The following SLC9A9 variants were observed in gnomAD, a reference collection of about 807,000 sequenced individuals.
SLC9A9 encodes the protein solute carrier family 9 member A9, also known as sodium/hydrogen exchanger 9.
A neutral mutation model predicts 77.8 loss-of-function variants in SLC9A9; 62 were observed. The ratio of observed to expected loss-of-function variants is 0.80; its 90% CI spans 0.65 to 0.98. SLC9A9 has a LOEUF of 0.98. SLC9A9 is among the 50% of genes least tolerant of loss of function. The pLI, the probability that SLC9A9 is intolerant of heterozygous loss-of-function variation, is 0.00. For synonymous variants in SLC9A9, 320 were observed against 283.5 expected (o/e 1.13, Z -1.29); for missense variants, 775 against 774.9 (o/e 1.00, Z 0.00).
At chr3:143,391,141 C>G (rs2033555867) in intron 12 of SLC9A9, among the ~76,000 whole-genome samples, 2 of 152,242 alleles carry the variant, frequency 1.3e-5, no homozygotes, top group Admixed American at 1.3e-4. Context: ...TGAGAACAGA[C>G]AGATATGCCT....
chr3:143,718,837 A>T (rs190937684), intron 4 of SLC9A9, among the ~76,000 whole-genome samples: 1 of 152,230 alleles, frequency 6.6e-6, no homozygotes, highest in African/African-American at 2.4e-5. Flanking sequence ...GTGACAATTG[A>T]ATATAAGGTA....
At chr3:143,494,575 G>C (rs903739412) in intron 10 of SLC9A9, among the ~76,000 whole-genome samples, 1 of 152,186 alleles carries the variant, frequency 6.6e-6, no homozygotes, top group Non-Finnish European at 1.5e-5. Flanking sequence ...CTGGCTGTTC[G>C]GATTATCTGT....
rs181257169 is a variant in SLC9A9, at chr3:143,789,395, G to A, written c.533+5606C>T. On this transcript the variant is annotated intron_variant, in intron 4 of 15. Coordinates refer to ENST00000316549, the MANE Select transcript of SLC9A9 (RefSeq NM_173653.4). ...TGATGAAATGGGATCAATGCAGACT[G>A]TCTCCCATGAAAAATTCTCTGCTTC... Among the ~76,000 whole-genome samples, 27 of 152,264 alleles carry A rather than the reference G, an allele frequency of 1.8e-4. No homozygotes were observed. The East Asian group carries it at 4.6e-3, about 26-fold the overall frequency.
At chr3:143,620,995 T>C (rs1309703441) in intron 6 of SLC9A9, among the ~76,000 whole-genome samples, 2 of 152,140 alleles carry the variant, frequency 1.3e-5, no homozygotes, top group South Asian at 4.1e-4. Flanking sequence ...GAGGGTCCTA[T>C]GCCCATGGAG....
intron 9 of SLC9A9, among the ~76,000 whole-genome samples, chr3:143,511,326 C>A (rs1286950998): frequency 1.3e-5 from 2 of 152,238 alleles, no homozygotes; most frequent in Admixed American, 6.5e-5. Flanking sequence ...CAACCTTGGC[C>A]TTTCCAGGTG....
intron 9 of SLC9A9, among the ~76,000 whole-genome samples, chr3:143,533,615 TA>T (rs1382846385): frequency 1.3e-5 from 2 of 152,082 alleles, no homozygotes; most frequent in Non-Finnish European, 2.9e-5. Flanking sequence ...TGCATAACCA[TA>T]AAAAAACCCT....
chr3:143,843,970 A>ATTT (rs2009768491), intron 1 of SLC9A9, among the ~76,000 whole-genome samples: 1 of 152,228 alleles, frequency 6.6e-6, no homozygotes, highest in Non-Finnish European at 1.5e-5. Flanking sequence ...ATATCATAAT[A>ATTT]GATTACCCAT....
chr3:143,608,844 T>C (rs2037971339), intron 6 of SLC9A9, among the ~76,000 whole-genome samples: 1 of 152,228 alleles, frequency 6.6e-6, no homozygotes, highest in Admixed American at 6.5e-5. Flanking sequence ...GGACTATGGC[T>C]GTTGCTATAT....
chr3:143,353,719 ATTTC>A (rs1266752554), intron 14 of SLC9A9, among the ~76,000 whole-genome samples: 1 of 152,228 alleles, frequency 6.6e-6, no homozygotes, highest in East Asian at 1.9e-4. Flanking sequence ...GGCAATCACC[ATTTC>A]TTTCTTTATC....
intron 4 of SLC9A9, among the ~76,000 whole-genome samples, chr3:143,768,499 A>G (rs941070487): frequency 6.6e-6 from 1 of 152,212 alleles, no homozygotes; most frequent in African/African-American, 2.4e-5. Context: ...AATACTTCTT[A>G]CAAGGCATTG....
At chr3:143,620,788 G>A (rs372982884) in intron 6 of SLC9A9, among the ~76,000 whole-genome samples, 4 of 152,120 alleles carry the variant, frequency 2.6e-5, no homozygotes, top group African/African-American at 7.2e-5. Flanking sequence ...TGGGTGCAGC[G>A]ACCAAGTGTG....
At chr3:143,310,251 A>G (rs763119352) in intron 14 of SLC9A9, among the ~76,000 whole-genome samples, 27 of 152,196 alleles carry the variant, frequency 1.8e-4, no homozygotes, top group Non-Finnish European at 3.5e-4. Flanking sequence ...GCAGCTACAA[A>G]GGAAGACTAA....
intron 4 of SLC9A9, among the ~76,000 whole-genome samples, chr3:143,782,198 A>C (rs1470021234): frequency 6.6e-6 from 1 of 152,244 alleles, no homozygotes; most frequent in African/African-American, 2.4e-5. Context: ...CACCTGGATA[A>C]TATGGATTAA....
At chr3:143,469,114 C>T (rs778976469) in intron 11 of SLC9A9, among the ~76,000 whole-genome samples, 5 of 152,240 alleles carry the variant, frequency 3.3e-5, no homozygotes, top group East Asian at 3.9e-4. Flanking sequence ...GAGCTGAGAT[C>T]GTGCCATTGC....
chr3:143,265,870 AC>A lies in SLC9A9; in HGVS notation c.*831del, dbSNP rs1937693703. ...AGAGCAACACAGGCTGCAGAATCCT[AC>A]CCTCCAGCATATCGCGGGGAGGGGG... On this transcript the variant is annotated 3_prime_UTR_variant, in exon 16 of 16. Coordinates refer to ENST00000316549, the MANE Select transcript of SLC9A9 (RefSeq NM_173653.4). 2 of 600,838 alleles carry A rather than the reference AC, an allele frequency of 3.3e-6. No individual in the cohort carries two copies. The highest frequency in any genetic ancestry group is 5.9e-6 in the Non-Finnish European group (2 of 336,140). The allele number at this position is 600,838 out of a possible 1,614,324, so 37.2% of individuals were successfully genotyped here.
chr3:143,444,549 G>A (rs2034808058), intron 12 of SLC9A9, among the ~76,000 whole-genome samples: 1 of 152,112 alleles, frequency 6.6e-6, no homozygotes, highest in East Asian at 1.9e-4. Flanking sequence ...CGGGGTCCTT[G>A]ACTTTTTAAT....
intron 4 of SLC9A9, among the ~76,000 whole-genome samples, chr3:143,706,122 A>AT (rs1230448152): frequency 6.6e-6 from 1 of 152,190 alleles, no homozygotes; most frequent in Non-Finnish European, 1.5e-5. Flanking sequence ...CATATTCTGA[A>AT]TTTTTCCCCT....
intron 9 of SLC9A9, among the ~76,000 whole-genome samples, chr3:143,526,144 C>G (rs1207190600): frequency 3.3e-5 from 5 of 152,172 alleles, no homozygotes; most frequent in African/African-American, 1.2e-4. Flanking sequence ...ATGTCTAGGT[C>G]TTTTAAATCC....
chr3:143,314,336 C>T (rs1041536722), intron 14 of SLC9A9: 1 of 152,382 alleles, frequency 6.6e-6, no homozygotes, highest in African/African-American at 2.4e-5. Context: ...AATCCTCCCT[C>T]CACACTGTGC....
Sources: gnomAD v4.1 joint callset for allele counts (sites outside exome capture counted in the v4.1 genomes callset) on GRCh38, gnomAD v4.1.1 for gene constraint, MANE v1.5 for transcripts, NCBI Gene and HGNC (gene_info 2026-07-23, HGNC 2026-07-21) for gene names.